Variants in KCNB2 observed in about 807,000 individuals in gnomAD.
KCNB2 encodes delayed rectifier potassium channel protein.
In KCNB2, 15 loss-of-function variants were observed where a neutral mutation model predicts 61.5. The observed-to-expected ratio is 0.24, with a 90% CI of 0.16 to 0.38. KCNB2 has a LOEUF of 0.38. Among genes scored for constraint, KCNB2 ranks in the 10% least tolerant of loss-of-function variants. The pLI is 1.00. For synonymous variants in KCNB2, 457 were observed against 446.0 expected (o/e 1.02, Z -0.31); for missense variants, 828 against 1,125.2 (o/e 0.74, Z 3.78).
intron 2 of KCNB2, among the ~76,000 whole-genome samples, chr8:72,671,947 T>G (rs914083707): frequency 1.3e-5 from 2 of 152,154 alleles, no homozygotes; most frequent in Non-Finnish European, 2.9e-5. Context: ...ACATGTGAGT[T>G]CAGCTAAGTC....
chr8:72,882,568 C>A (rs1036516999), intron 2 of KCNB2, among the ~76,000 whole-genome samples: 3 of 104,222 alleles, frequency 2.9e-5, no homozygotes, highest in Non-Finnish European at 6.5e-5. Context: ...TGTGTGTCTT[C>A]ATTACGGCTC....
At chr8:72,840,067 C>A (rs10100723) in intron 2 of KCNB2, among the ~76,000 whole-genome samples, 16 of 151,960 alleles carry the variant, frequency 1.1e-4, no homozygotes, top group Non-Finnish European at 1.8e-4. Context: ...CCTAGCCCCC[C>A]ACCCTGCAAC....
intron 2 of KCNB2, among the ~76,000 whole-genome samples, chr8:72,889,468 G>A (rs1001803107): frequency 6.6e-6 from 1 of 152,026 alleles, no homozygotes; most frequent in African/African-American, 2.4e-5. Context: ...CGGGAGGACT[G>A]CTTGCATCCA....
intron 2 of KCNB2, among the ~76,000 whole-genome samples, chr8:72,868,186 C>T (rs1482310582): frequency 1.3e-5 from 2 of 151,414 alleles, no homozygotes; most frequent in African/African-American, 4.8e-5. Context: ...ATCCGCCTGC[C>T]TCAGCCTCCC....
intron 2 of KCNB2, among the ~76,000 whole-genome samples, chr8:72,922,036 C>A (rs1806531821): frequency 6.6e-6 from 1 of 152,212 alleles, no homozygotes; most frequent in South Asian, 2.1e-4. Flanking sequence ...TACTCTCTCA[C>A]AGTTCTGGAA....
rs1017916824 is a variant in KCNB2, at chr8:72,537,334, A to G, written c.-645A>G. 8.6e-5 allele frequency: 13 copies of G among 151,696 alleles called. No homozygotes were observed. The South Asian group carries it at 2.1e-3, about 25-fold the overall frequency. 9.4% of individuals were successfully genotyped at this position (151,696 alleles called of 1,614,324 possible). ...GCCTCTACCCTGCTCCGCCACAGAC[A>G]CACACCCACCAAGCACCCACCGCCC... On this transcript the variant is annotated 5_prime_UTR_variant, in exon 1 of 3. Coordinates refer to ENST00000523207, the MANE Select transcript of KCNB2 (RefSeq NM_004770.3).
chr8:72,581,135 C>G (rs1428011985), intron 2 of KCNB2, among the ~76,000 whole-genome samples: 1 of 152,152 alleles, frequency 6.6e-6, no homozygotes, highest in African/African-American at 2.4e-5. Context: ...TGGCTATATC[C>G]ATCCAGAAGG....
At chr8:72,571,767 G>A (rs1057279950) in intron 2 of KCNB2, among the ~76,000 whole-genome samples, 3 of 152,148 alleles carry the variant, frequency 2.0e-5, no homozygotes, top group Non-Finnish European at 1.5e-5. Flanking sequence ...AGGAATTGCT[G>A]GTTTTAGTGT....
intron 2 of KCNB2, among the ~76,000 whole-genome samples, chr8:72,887,519 C>A (rs1272028567): frequency 6.6e-6 from 1 of 152,120 alleles, no homozygotes; most frequent in East Asian, 1.9e-4. Flanking sequence ...TAGCCAGGAA[C>A]AGGAAGACAG....
chr8:72,568,668 G>T, intron 2 of KCNB2, among the ~76,000 whole-genome samples: 1 of 152,154 alleles, frequency 6.6e-6, no homozygotes, highest in East Asian at 1.9e-4. Flanking sequence ...GGAAGACGAG[G>T]GCCTGAGCTC....
intron 1 of KCNB2, among the ~76,000 whole-genome samples, chr8:72,562,608 G>A (rs1408938325): frequency 1.3e-5 from 2 of 152,144 alleles, no homozygotes; most frequent in Non-Finnish European, 2.9e-5. Context: ...CCCTTGACAT[G>A]AAAACATGTG....
chr8:72,904,663 A>G (rs191537715), intron 2 of KCNB2, among the ~76,000 whole-genome samples: 2 of 152,028 alleles, frequency 1.3e-5, no homozygotes, highest in Non-Finnish European at 2.9e-5. Context: ...TTATTTTTTT[A>G]ATTTTTTTAT....
intron 2 of KCNB2, among the ~76,000 whole-genome samples, chr8:72,650,184 A>G (rs1402039867): frequency 1.3e-5 from 2 of 152,206 alleles, no homozygotes; most frequent in Non-Finnish European, 2.9e-5. Flanking sequence ...TAGCTATTTT[A>G]TAGACCTTGC....
chr8:72,601,968 C>T (rs1447535763), intron 2 of KCNB2, among the ~76,000 whole-genome samples: 1 of 152,160 alleles, frequency 6.6e-6, no homozygotes, highest in Non-Finnish European at 1.5e-5. Context: ...AGAATTGCAA[C>T]TCAAGTTTGG....
At chr8:72,809,993 C>T (rs948035547) in intron 2 of KCNB2, among the ~76,000 whole-genome samples, 2 of 152,188 alleles carry the variant, frequency 1.3e-5, no homozygotes, top group African/African-American at 4.8e-5. Context: ...ACTAAAACCC[C>T]ATTGGCTTAA....
intron 2 of KCNB2, among the ~76,000 whole-genome samples, chr8:72,696,005 C>T (rs1034681646): frequency 2.6e-5 from 4 of 152,106 alleles, no homozygotes; most frequent in South Asian, 2.1e-4. Context: ...GCCCATGAAC[C>T]GCACTGAGAA....
At chr8:72,677,286 G>GAAACAATAAA in intron 2 of KCNB2, among the ~76,000 whole-genome samples, 1 of 152,276 alleles carries the variant, frequency 6.6e-6, no homozygotes, top group Middle Eastern at 3.4e-3. Flanking sequence ...CAATAAATGT[G>GAAACAATAAA]TATTGTTTCA....
chr8:72,563,335 A>C (rs1429352028), intron 1 of KCNB2, among the ~76,000 whole-genome samples: 1 of 152,204 alleles, frequency 6.6e-6, no homozygotes, highest in Non-Finnish European at 1.5e-5. Context: ...TTAAAGTTCA[A>C]TTAGCAATTG....
At chr8:72,677,068 T>A (rs1258134589) in intron 2 of KCNB2, among the ~76,000 whole-genome samples, 1 of 150,482 alleles carries the variant, frequency 6.6e-6, no homozygotes, top group East Asian at 1.9e-4. Flanking sequence ...TAAACCAATA[T>A]GACTTGCATG....
Sources: allele counts gnomAD v4.1 joint callset (sites outside exome capture counted in the v4.1 genomes callset), GRCh38; gene constraint gnomAD v4.1.1; transcripts MANE v1.5; gene names NCBI Gene and HGNC (gene_info 2026-07-23, HGNC 2026-07-21).